The following ADAM32 variants were observed in gnomAD, a reference collection of about 807,000 sequenced individuals.
ADAM32 encodes the protein disintegrin and metalloproteinase domain-containing protein 32.
In ADAM32, 89 loss-of-function variants were observed where a neutral mutation model predicts 114.9. That is an observed-to-expected ratio of 0.77 (90% confidence interval 0.65 to 0.92). ADAM32 has a LOEUF of 0.92. Ranked by LOEUF, ADAM32 falls within the 40% of genes least tolerant of loss-of-function variation. The pLI is 0.00. For missense variants in ADAM32, 870 were observed against 932.8 expected, an observed-to-expected ratio of 0.93 and a Z score of 0.88; for synonymous variants, 285 against 307.5, an observed-to-expected ratio of 0.93 and a Z score of 0.77.
Position 39,233,940 on chromosome 8 carries a change from G to A in ADAM32, c.1676G>A (p.Arg559Gln), listed in dbSNP as rs199669397. 343 of 1,589,918 alleles carry A rather than the reference G, an allele frequency of 2.2e-4. No individual in the cohort carries two copies. Among genetic ancestry groups the A allele is most frequent in the Admixed American group, 4.1e-4 (24 of 57,988 alleles). The change falls in exon 16 of 25, where the codon CGA (arginine) becomes CAA (glutamine). Residue 559 changes from arginine (R) to glutamine (Q), a missense_variant. Physicochemically the swap from Arg to Gln is conservative, Grantham distance 43. Transcript: ENST00000379907. ...AGATTAGTTTGTACCTACCCTACTC[G>A]AAAGCCTTTCCATCAAGAAAATGGT... The part of the protein sequence containing the change: ...CGRLVCTYPT[R>Q]KPFHQENGDV...
chr8:39,151,004 T>C (rs972935011), intron 5 of ADAM32, among the ~76,000 whole-genome samples: 1 of 149,636 alleles, frequency 6.7e-6, no homozygotes, highest in Non-Finnish European at 1.5e-5. Context: ...TTGTCATATA[T>C]GCAGTATAAT....
In ADAM32 at chr8:39,191,924, G is replaced by A. The variant is rs187953219; in HGVS notation, c.1052+4879G>A. 9.5e-4 allele frequency among the ~76,000 whole-genome samples: 144 copies of A among 152,242 alleles called. 1 individual carries two copies. Among genetic ancestry groups the A allele is most frequent in the Non-Finnish European group, 5.0e-4 (34 of 67,988 alleles). On this transcript the variant is annotated intron_variant, in intron 11 of 24. Coordinates refer to ENST00000379907, the MANE Select transcript of ADAM32 (RefSeq NM_145004.7). The stretch of plus-strand genomic sequence containing the variant: ...TTTAATCAATCTTGAGTTGATTTAT[G>A]TATATGATGTAAAGAAGGAGTGTCA...
At chr8:39,250,727 T>G (rs1052434229) in intron 17 of ADAM32, among the ~76,000 whole-genome samples, 35 of 152,114 alleles carry the variant, frequency 2.3e-4, no homozygotes, top group African/African-American at 7.7e-4. Context: ...AATAGGTTAT[T>G]TTAAACTCTG....
In ADAM32 at chr8:39,151,454, A is replaced by C. The variant is rs1803818679; in HGVS notation, c.431A>C (p.Tyr144Ser). Residue 144 changes from tyrosine (Y) to serine (S), a missense_variant, in exon 6 of 25, where the codon TAC becomes TCC. By Grantham distance (144) the Tyr-to-Ser change is moderately radical. Transcript: ENST00000379907. ...ESAVEFQHVLYKLKNEDNDIA... is the reference protein window; with the variant it reads ...ESAVEFQHVLSKLKNEDNDIA... ...GCAGTTGAATTTCAGCATGTTCTTTACAAATTAAAGAATGAAGACAATGAT... is the reference window on the plus strand; with the variant it reads ...GCAGTTGAATTTCAGCATGTTCTTTCCAAATTAAAGAATGAAGACAATGAT... The C allele has an allele frequency of 6.2e-7, 1 of 1,606,478 alleles. No individual in the cohort carries two copies. Among genetic ancestry groups the C allele is most frequent in the East Asian group, 2.2e-5 (1 of 44,514 alleles).
intron 16 of ADAM32, among the ~76,000 whole-genome samples, chr8:39,239,292 A>T (rs917312229): frequency 6.6e-6 from 1 of 152,190 alleles, no homozygotes; most frequent in African/African-American, 2.4e-5. Flanking sequence ...AACAATTATC[A>T]GCTAGGAATT....
intron 21 of ADAM32, among the ~76,000 whole-genome samples, chr8:39,274,855 A>G (rs1006049335): frequency 2.0e-5 from 3 of 152,228 alleles, no homozygotes; most frequent in African/African-American, 7.2e-5. Context: ...TGTGCTTTGC[A>G]GAAGACTCCT....
chr8:39,228,980 T>C (rs1809563892), intron 14 of ADAM32, among the ~76,000 whole-genome samples: 1 of 152,206 alleles, frequency 6.6e-6, no homozygotes, highest in African/African-American at 2.4e-5. Context: ...TATCAGCAGA[T>C]TTCTCAGCAG....
intron 23 of ADAM32, among the ~76,000 whole-genome samples, chr8:39,282,224 G>C (rs777108572): frequency 1.3e-5 from 2 of 152,080 alleles, no homozygotes; most frequent in Non-Finnish European, 2.9e-5. Flanking sequence ...AATCACTTGA[G>C]GGTCAAGTCC....
At chr8:39,144,151 G>T (rs1803352768) in intron 3 of ADAM32, among the ~76,000 whole-genome samples, 1 of 152,160 alleles carries the variant, frequency 6.6e-6, no homozygotes, top group South Asian at 2.1e-4. Context: ...GCTAGGAAAG[G>T]TAAATCCCCT....
chr8:39,155,500 T>A (rs1485675525), intron 6 of ADAM32, among the ~76,000 whole-genome samples: 1 of 152,190 alleles, frequency 6.6e-6, no homozygotes, highest in Admixed American at 6.5e-5. Flanking sequence ...ATATAGTTGC[T>A]TATACCAGTA....
chr8:39,216,588 C>T (rs1391570797), intron 12 of ADAM32, among the ~76,000 whole-genome samples: 1 of 150,940 alleles, frequency 6.6e-6, no homozygotes, highest in East Asian at 1.9e-4. Flanking sequence ...TAATTTCTTG[C>T]TTTTTATTTT....
chr8:39,280,042 T>A (rs1200170499), intron 22 of ADAM32, among the ~76,000 whole-genome samples: 1 of 152,240 alleles, frequency 6.6e-6, no homozygotes, highest in African/African-American at 2.4e-5. Flanking sequence ...CTCTAGATGA[T>A]CCTTTTCTTT....
At chr8:39,150,355 T>G (rs988769020) in intron 5 of ADAM32, among the ~76,000 whole-genome samples, 1 of 152,068 alleles carries the variant, frequency 6.6e-6, no homozygotes, top group East Asian at 1.9e-4. Flanking sequence ...CTAAGACAGG[T>G]TTGAGTCAAA....
At chr8:39,274,278 C>T (rs1437472718) in intron 20 of ADAM32, 34 bp from the exon 21 acceptor site, 3 of 1,610,480 alleles carry the variant, frequency 1.9e-6, no homozygotes, top group African/African-American at 1.3e-5. Context: ...TTTCTTAGTA[C>T]TAACTTGAGA....
chr8:39,149,648 T>C, intron 4 of ADAM32, 143 bp from the exon 5 acceptor site: 1 of 522,392 alleles, frequency 1.9e-6, no homozygotes, highest in Non-Finnish European at 3.3e-6. Context: ...AGAATTTTTT[T>C]CTGAATTTCA....
chr8:39,220,305 C>A (rs903511109), intron 12 of ADAM32, among the ~76,000 whole-genome samples: 20 of 152,076 alleles, frequency 1.3e-4, no homozygotes, highest in African/African-American at 4.6e-4. Flanking sequence ...CTTTCTGCAA[C>A]CCTTTACTAT....
intron 10 of ADAM32, among the ~76,000 whole-genome samples, chr8:39,173,403 T>C (rs1805312046): frequency 6.6e-6 from 1 of 152,238 alleles, no homozygotes; most frequent in Non-Finnish European, 1.5e-5. Context: ...GATTTTAATT[T>C]GCATTTCTTT....
intron 17 of ADAM32, among the ~76,000 whole-genome samples, chr8:39,253,911 T>A (rs1469281919): frequency 6.6e-6 from 1 of 151,412 alleles, no homozygotes; most frequent in Non-Finnish European, 1.5e-5. Context: ...AATAAAAAAA[T>A]TATATAAGAT....
chr8:39,260,689 C>A (rs1811967493), intron 19 of ADAM32, among the ~76,000 whole-genome samples: 1 of 152,022 alleles, frequency 6.6e-6, no homozygotes, highest in Non-Finnish European at 1.5e-5. Context: ...CTATATTAAT[C>A]AAGGATATTG....
Sources: allele counts gnomAD v4.1 joint callset (sites outside exome capture counted in the v4.1 genomes callset), GRCh38; gene constraint gnomAD v4.1.1; transcripts MANE v1.5; gene names NCBI Gene and HGNC (gene_info 2026-07-23, HGNC 2026-07-21).